DGKG: variants seen among roughly 807,000 people sequenced by gnomAD.
DGKG encodes the protein DAG kinase gamma.
A neutral mutation model predicts 105.3 loss-of-function variants in DGKG; 78 were observed. The ratio of observed to expected loss-of-function variants is 0.74; its 90% CI spans 0.62 to 0.89. The LOEUF is 0.89. Among genes scored for constraint, DGKG ranks in the 40% least tolerant of loss-of-function variants. DGKG has a pLI of 0.00. For synonymous variants in DGKG, 346 were observed against 367.1 expected, an observed-to-expected ratio of 0.94 and a Z score of 0.66; for missense variants, 958 against 1,020.1, an observed-to-expected ratio of 0.94 and a Z score of 0.83.
At chr3:186,350,055 T>G (rs1368999456) in intron 1 of DGKG, among the ~76,000 whole-genome samples, 1 of 152,040 alleles carries the variant, frequency 6.6e-6, no homozygotes, top group Non-Finnish European at 1.5e-5. Flanking sequence ...GGCTAATTTT[T>G]GTGTAGTTTT....
At chr3:186,271,013 C>T (rs77968999) in intron 11 of DGKG, among the ~76,000 whole-genome samples, 2,529 of 152,254 alleles carry the variant, frequency 0.017, 47 homozygotes, top group East Asian at 0.039. Context: ...GTGCAGAAGG[C>T]GTGGACGAGA....
In DGKG at chr3:186,327,244, A is replaced by G. The variant is rs374780465; in HGVS notation, c.-248-6537T>C. On this transcript the variant is annotated intron_variant, in intron 1 of 24. Transcript: ENST00000265022. ...ACTCTTTTCCCATCTCCTCTTTTCTATCTTATTCTCACTTACCCTTATAGT... is the reference window on the plus strand; with the variant it reads ...ACTCTTTTCCCATCTCCTCTTTTCTGTCTTATTCTCACTTACCCTTATAGT... Among the ~76,000 whole-genome samples the G allele has an allele frequency of 2.0e-5, 3 of 152,012 alleles. No homozygotes were observed. The East Asian group carries it at 5.8e-4, about 29-fold the overall frequency.
chr3:186,286,544 T>A, intron 6 of DGKG, among the ~76,000 whole-genome samples: 1 of 152,240 alleles, frequency 6.6e-6, no homozygotes, highest in East Asian at 1.9e-4. Context: ...AAGGTGTTTA[T>A]CAATGATAGT....
chr3:186,159,007 G>A (rs936805887), intron 24 of DGKG: 12 of 253,992 alleles, frequency 4.7e-5, no homozygotes, highest in South Asian at 1.5e-4. Context: ...TTATATATAC[G>A]TATGTATAAC....
At chr3:186,207,800 G>A (rs894251997) in intron 21 of DGKG, among the ~76,000 whole-genome samples, 2 of 152,198 alleles carry the variant, frequency 1.3e-5, no homozygotes, top group Non-Finnish European at 2.9e-5. Flanking sequence ...GGAGTGATTT[G>A]ACTCACGTGG....
intron 22 of DGKG, among the ~76,000 whole-genome samples, chr3:186,178,994 C>T (rs1414526044): frequency 1.3e-5 from 2 of 152,186 alleles, no homozygotes; most frequent in East Asian, 1.9e-4. Context: ...CCTACCAGTG[C>T]AGTTCTTCTC....
intron 21 of DGKG, among the ~76,000 whole-genome samples, chr3:186,211,576 G>A (rs967342181): frequency 4.6e-5 from 7 of 152,174 alleles, no homozygotes; most frequent in Admixed American, 1.3e-4. Flanking sequence ...CTGGGCTCTC[G>A]GGGCCTCTGA....
At chr3:186,340,691 G>A (rs1726047636) in intron 1 of DGKG, among the ~76,000 whole-genome samples, 1 of 152,028 alleles carries the variant, frequency 6.6e-6, no homozygotes, top group African/African-American at 2.4e-5. Context: ...TTCCTCCCAC[G>A]TCTATCTCCA....
intron 5 of DGKG, among the ~76,000 whole-genome samples, chr3:186,295,325 A>C (rs56897748): frequency 0.087 from 13,246 of 151,986 alleles, 676 homozygotes; most frequent in Middle Eastern, 0.15. Flanking sequence ...ACATGGTGAA[A>C]GCCTGTTTCT....
chr3:186,308,782 T>C (rs1724379049), intron 2 of DGKG, among the ~76,000 whole-genome samples: 1 of 152,092 alleles, frequency 6.6e-6, no homozygotes, highest in Non-Finnish European at 1.5e-5. Flanking sequence ...CTAAGGAGGG[T>C]AAGATGCGGC....
chr3:186,284,762 G>A lies in DGKG; in HGVS notation c.545-53C>T. On this transcript the variant is annotated intron_variant, in intron 6 of 24. Coordinates refer to ENST00000265022, the MANE Select transcript of DGKG (RefSeq NM_001346.3). This position sits in a 1 kb window ranked among gnomAD's most constrained non-coding sequence, Gnocchi z 4.0. ...AGGTGTCCTCTAAGAAGCGCGGATG[G>A]CTGAAGTTTTGATGCTGCCAGGTTT... is the stretch of plus-strand genomic sequence containing the variant. 2.0e-6 allele frequency: 3 copies of A among 1,508,548 alleles called. No individual in the cohort carries two copies. In the South Asian group the frequency reaches 3.4e-5, roughly 17 times the overall value. The allele number at this position is 1,508,548 out of a possible 1,614,324, so 93.4% of individuals were successfully genotyped here.
chr3:186,176,973 C>T (rs1717113196), intron 22 of DGKG, among the ~76,000 whole-genome samples: 1 of 152,192 alleles, frequency 6.6e-6, no homozygotes, highest in African/African-American at 2.4e-5. Context: ...GAGCAGGGGT[C>T]CTGCTGGGTG....
At chr3:186,200,211 C>G (rs2300709) in intron 21 of DGKG, among the ~76,000 whole-genome samples, 80,056 of 151,998 alleles carry the variant, frequency 0.53, 22,473 homozygotes, top group East Asian at 0.73. Flanking sequence ...CATCTCCAGC[C>G]CTATGAAAGG....
At position 186,215,606 on chromosome 3, in the gene DGKG, A is replaced by G. The variant is rs1007115001; in HGVS notation, c.1827-3721T>C. On this transcript the variant is annotated intron_variant, in intron 20 of 24. Coordinates refer to ENST00000265022, the MANE Select transcript of DGKG (RefSeq NM_001346.3). ...GGAAAATAGATTGGAGGTGGTGTAGAAATCCAGGAGATAACTGGGAAGGGC... is the reference window on the plus strand; with the variant it reads ...GGAAAATAGATTGGAGGTGGTGTAGGAATCCAGGAGATAACTGGGAAGGGC... Among the ~76,000 whole-genome samples the G allele has an allele frequency of 3.9e-5, 6 of 152,162 alleles. No homozygotes were observed. In the South Asian group the frequency reaches 1.2e-3, roughly 32 times the overall value.
chr3:186,202,731 T>C (rs1460575506), intron 21 of DGKG, among the ~76,000 whole-genome samples: 1 of 152,214 alleles, frequency 6.6e-6, no homozygotes, highest in African/African-American at 2.4e-5. Flanking sequence ...AGAAATGTAT[T>C]GTGGGAGAGC....
intron 1 of DGKG, among the ~76,000 whole-genome samples, chr3:186,344,501 A>G (rs1003962117): frequency 6.6e-6 from 1 of 152,224 alleles, no homozygotes; most frequent in African/African-American, 2.4e-5. Flanking sequence ...CAAATGCTAC[A>G]TGTTCTCACT....
At chr3:186,222,725 A>G (rs1191056851) in intron 20 of DGKG, among the ~76,000 whole-genome samples, 2 of 147,698 alleles carry the variant, frequency 1.4e-5, no homozygotes, top group Admixed American at 1.3e-4. Context: ...ACGCCTGTAA[A>G]CCCAGCAATT....
At chr3:186,220,914 T>C (rs1298177738) in intron 20 of DGKG, among the ~76,000 whole-genome samples, 1 of 152,178 alleles carries the variant, frequency 6.6e-6, no homozygotes, top group Non-Finnish European at 1.5e-5. Context: ...CCGAATTCTG[T>C]CTGGCACCTG....
At position 186,298,118 on chromosome 3, in the gene DGKG, C is replaced by A; in HGVS notation, c.256G>T (p.Glu86Ter). Residue 86 changes from glutamate (E) to a stop codon, truncating the protein, a stop_gained, in exon 4 of 25, where the codon GAG becomes TAG. Coordinates refer to ENST00000265022, the MANE Select transcript of DGKG (RefSeq NM_001346.3). LOFTEE classifies it high-confidence loss of function. Reference protein sequence around the residue: ...FLAFSQKPRHETSDHPTEGAS... With the variant: ...FLAFSQKPRH ...CCCTCCGTCGGGTGGTCAGAGGTCTCGTGTCTGGGCTTCTGGCTGAAGGCC... is the reference window on the plus strand; with the variant it reads ...CCCTCCGTCGGGTGGTCAGAGGTCTAGTGTCTGGGCTTCTGGCTGAAGGCC... 1 of 1,614,056 alleles carries A rather than the reference C, an allele frequency of 6.2e-7. No homozygotes were observed. The highest frequency in any genetic ancestry group is 8.5e-7 in the Non-Finnish European group (1 of 1,179,986).
Sources: allele counts gnomAD v4.1 joint callset (sites outside exome capture counted in the v4.1 genomes callset), GRCh38; gene constraint gnomAD v4.1.1; non-coding constraint Gnocchi (gnomAD v3.1); transcripts MANE v1.5; gene names NCBI Gene and HGNC (gene_info 2026-07-23, HGNC 2026-07-21).